XKR4: variants seen among roughly 807,000 people sequenced by gnomAD.
The protein encoded by XKR4 is XK related 4.
A neutral mutation model predicts 53.9 loss-of-function variants in XKR4; 12 were observed. The observed-to-expected ratio is 0.22, with a 90% CI of 0.14 to 0.36. The LOEUF is 0.36. XKR4 is among the 10% of genes least tolerant of loss of function. The pLI, the probability that XKR4 is intolerant of heterozygous loss-of-function variation, is 1.00. For synonymous variants in XKR4, 354 were observed against 362.4 expected (o/e 0.98, Z 0.26); for missense variants, 799 against 859.5 (o/e 0.93, Z 0.88).
At chr8:55,112,592 G>GTTTTTTTTTTTT (rs1563459297) in intron 1 of XKR4, among the ~76,000 whole-genome samples, 4 of 114,094 alleles carry the variant, frequency 3.5e-5, no homozygotes, top group Non-Finnish European at 5.0e-5. Context: ...TTTTTTTAGG[G>GTTTTTTTTTTTT]AGCAGAGAGT....
intron 2 of XKR4, chr8:55,450,024 T>G (rs1032591184): frequency 1.0e-5 from 8 of 782,148 alleles, no homozygotes; most frequent in Non-Finnish European, 1.8e-5. Context: ...CGGTGGACAC[T>G]AGGAGGGAGC....
At chr8:55,111,028 G>A (rs1212281343) in intron 1 of XKR4, among the ~76,000 whole-genome samples, 1 of 152,154 alleles carries the variant, frequency 6.6e-6, no homozygotes, top group Non-Finnish European at 1.5e-5. Flanking sequence ...AAAATAGACG[G>A]AGAGGGTCAT....
chr8:55,240,256 T>TA (rs959183255), intron 1 of XKR4, among the ~76,000 whole-genome samples: 1 of 152,116 alleles, frequency 6.6e-6, no homozygotes, highest in African/African-American at 2.4e-5. Flanking sequence ...TATATTTATT[T>TA]AAAAAAATAT....
intron 2 of XKR4, among the ~76,000 whole-genome samples, chr8:55,370,301 G>A (rs1409703844): frequency 2.0e-5 from 3 of 152,210 alleles, no homozygotes; most frequent in African/African-American, 7.2e-5. Context: ...CAAAGGCTGA[G>A]AATGGGGCAA....
At chr8:55,297,732 C>T (rs911400335) in intron 1 of XKR4, among the ~76,000 whole-genome samples, 5 of 152,166 alleles carry the variant, frequency 3.3e-5, no homozygotes, top group Admixed American at 1.3e-4. Context: ...GTTCAAGATA[C>T]GCCCAAAGGG....
At chr8:55,518,134 A>G (rs1333850390) in intron 2 of XKR4, among the ~76,000 whole-genome samples, 1 of 152,238 alleles carries the variant, frequency 6.6e-6, no homozygotes, top group Non-Finnish European at 1.5e-5. Flanking sequence ...CATCTAGAGA[A>G]TTAGGCTGTA....
intron 1 of XKR4, among the ~76,000 whole-genome samples, chr8:55,214,656 A>G (rs1326710242): frequency 6.6e-6 from 1 of 152,146 alleles, no homozygotes; most frequent in Non-Finnish European, 1.5e-5. Context: ...GCATCCCTGT[A>G]ATGACCGTGG....
At chr8:55,156,384 G>A (rs1816906589) in intron 1 of XKR4, among the ~76,000 whole-genome samples, 1 of 147,752 alleles carries the variant, frequency 6.8e-6, no homozygotes, top group African/African-American at 2.5e-5. Flanking sequence ...AAGGTAAGAC[G>A]CTGCGCGCAT....
intron 2 of XKR4, among the ~76,000 whole-genome samples, chr8:55,424,801 T>C (rs1804989881): frequency 6.6e-6 from 1 of 152,242 alleles, no homozygotes. Flanking sequence ...GGGACTTCAT[T>C]ACTTCCTGAA....
chr8:55,140,741 G>A (rs921186490), intron 1 of XKR4, among the ~76,000 whole-genome samples: 7 of 152,162 alleles, frequency 4.6e-5, no homozygotes, highest in African/African-American at 1.4e-4. Context: ...CTGTGGATTC[G>A]TGGGCCCATC....
intron 2 of XKR4, among the ~76,000 whole-genome samples, chr8:55,469,790 T>C (rs1371778415): frequency 6.6e-6 from 1 of 152,056 alleles, no homozygotes; most frequent in African/African-American, 2.4e-5. Flanking sequence ...GAACAAATCT[T>C]GTACTAAAGA....
chr8:55,394,074 ATC>A (rs1804483225), intron 2 of XKR4, among the ~76,000 whole-genome samples: 1 of 152,198 alleles, frequency 6.6e-6, no homozygotes, highest in Admixed American at 6.5e-5. Flanking sequence ...AACAAAAATA[ATC>A]TCTCAATTTG....
At chr8:55,348,210 G>A (rs1289697910) in intron 1 of XKR4, among the ~76,000 whole-genome samples, 4 of 152,288 alleles carry the variant, frequency 2.6e-5, no homozygotes, top group East Asian at 1.9e-4. Context: ...GACCGAAGAC[G>A]TTAAATCACC....
chr8:55,313,552 G>C (rs1819416374), intron 1 of XKR4, among the ~76,000 whole-genome samples: 1 of 152,102 alleles, frequency 6.6e-6, no homozygotes, highest in Non-Finnish European at 1.5e-5. Context: ...GAGAGAGCAG[G>C]GTACTCTGGA....
intron 1 of XKR4, among the ~76,000 whole-genome samples, chr8:55,301,086 C>A (rs1819186851): frequency 6.6e-6 from 1 of 151,636 alleles, no homozygotes; most frequent in Non-Finnish European, 1.5e-5. Context: ...TGCTGGTGTG[C>A]TGCACCCATT....
chr8:55,188,886 C>G (rs1432072974), intron 1 of XKR4, among the ~76,000 whole-genome samples: 1 of 152,184 alleles, frequency 6.6e-6, no homozygotes, highest in Admixed American at 6.5e-5. Flanking sequence ...GTCCTTAATA[C>G]AGAATCTATC....
At chr8:55,342,201 A>C (rs1417650306) in intron 1 of XKR4, among the ~76,000 whole-genome samples, 2 of 151,372 alleles carry the variant, frequency 1.3e-5, no homozygotes, top group Non-Finnish European at 2.9e-5. Context: ...TTTCTCTCAC[A>C]CCCCATGTCT....
chr8:55,457,290 C>T (rs969582560), intron 2 of XKR4, among the ~76,000 whole-genome samples: 4 of 151,830 alleles, frequency 2.6e-5, no homozygotes, highest in Non-Finnish European at 5.9e-5. Context: ...CTACAGGCGC[C>T]CACCACCACG....
intron 1 of XKR4, among the ~76,000 whole-genome samples, chr8:55,230,132 G>C (rs4308711): frequency 6.6e-6 from 1 of 151,970 alleles, no homozygotes; most frequent in Non-Finnish European, 1.5e-5. Context: ...AATTTTCTCA[G>C]ATTACTTCTC....
Sources: gnomAD v4.1 joint callset for allele counts (sites outside exome capture counted in the v4.1 genomes callset) on GRCh38, gnomAD v4.1.1 for gene constraint, MANE v1.5 for transcripts, NCBI Gene and HGNC (gene_info 2026-07-23, HGNC 2026-07-21) for gene names.